The following ESR2 variants were observed in gnomAD, a reference collection of about 807,000 sequenced individuals.
ESR2 encodes estrogen receptor 2.
A neutral mutation model predicts 49.6 loss-of-function variants in ESR2; 36 were observed. The ratio of observed to expected loss-of-function variants is 0.73; its 90% CI spans 0.56 to 0.96. The LOEUF (loss-of-function observed/expected upper bound fraction) is 0.96, where lower values mean the gene tolerates loss of function less well. Among genes scored for constraint, ESR2 ranks in the 40% least tolerant of loss-of-function variants. The pLI is 0.00. For synonymous variants in ESR2, 320 were observed against 266.1 expected (o/e 1.20, Z -1.97); for missense variants, 714 against 693.0 (o/e 1.03, Z -0.34).
intron 6 of ESR2, among the ~76,000 whole-genome samples, chr14:64,253,133 G>C (rs1017444609): frequency 2.0e-5 from 3 of 152,098 alleles, no homozygotes; most frequent in African/African-American, 7.2e-5. Flanking sequence ...TGGGACTACA[G>C]GTGTGAGCAA....
intron 1 of ESR2, among the ~76,000 whole-genome samples, chr14:64,288,070 T>G (rs1405135524): frequency 3.9e-5 from 6 of 152,114 alleles, no homozygotes; most frequent in Non-Finnish European, 8.8e-5. Context: ...ATATCCTGGG[T>G]GGTGAACAGG....
intron 4 of ESR2, among the ~76,000 whole-genome samples, chr14:64,261,752 T>G (rs752271082): frequency 6.6e-6 from 1 of 152,168 alleles, no homozygotes. Context: ...GTATCTACAC[T>G]ATTTTAATTG....
intron 3 of ESR2, among the ~76,000 whole-genome samples, chr14:64,273,940 C>CT (rs58123995): frequency 0.19 from 25,071 of 134,498 alleles, 2,947 homozygotes; most frequent in East Asian, 0.37. Context: ...TGCTGAGAGA[C>CT]TTTTTTTTTT....
chr14:64,233,187 C>A lies in ESR2; in HGVS notation c.1543G>T (p.Ala515Ser). The change falls in exon 9 of 9, where the codon GCA (alanine) becomes TCA (serine). Residue 515 changes from alanine (A) to serine (S), a missense_variant. Physicochemically the swap from Ala to Ser is moderately conservative, Grantham distance 99. Transcript: ENST00000341099. Reference sequence around the variant, plus strand: ...CCCTCTTTGCTTTTACTGTCCTCTGCCGGGCTGCACTCGGACCCCGTGATG... The same window carrying A: ...CCCTCTTTGCTTTTACTGTCCTCTGACGGGCTGCACTCGGACCCCGTGATG... ...SSITGSECSP[A>S]EDSKSKEGSQ... 3.7e-6 allele frequency: 6 copies of A among 1,614,134 alleles called. No individual in the cohort carries two copies. The highest frequency in any genetic ancestry group is 5.1e-6 in the Non-Finnish European group (6 of 1,180,016).
intron 3 of ESR2, among the ~76,000 whole-genome samples, chr14:64,271,525 C>A (rs375671657): frequency 3.3e-5 from 5 of 152,178 alleles, no homozygotes; most frequent in Non-Finnish European, 5.9e-5. Flanking sequence ...AGGGTTTCAC[C>A]GTGTTGCCCA....
intron 1 of ESR2, among the ~76,000 whole-genome samples, chr14:64,293,268 A>G (rs979601312): frequency 6.6e-6 from 1 of 152,232 alleles, no homozygotes; most frequent in Non-Finnish European, 1.5e-5. Context: ...CCGAGTTACG[A>G]AACTTAGAGC....
intron 3 of ESR2, among the ~76,000 whole-genome samples, chr14:64,275,100 C>G (rs960562563): frequency 1.3e-5 from 2 of 152,140 alleles, no homozygotes; most frequent in African/African-American, 4.8e-5. Context: ...CTGTAAATAT[C>G]TATTAGGTCC....
At chr14:64,322,518 GAAAAA>G (rs35866794) in intron 1 of ESR2, among the ~76,000 whole-genome samples, 2,335 of 86,482 alleles carry the variant, frequency 0.027, 65 homozygotes, top group East Asian at 0.18. Flanking sequence ...CCACAGAAAG[GAAAAA>G]AAAAAAAAAA....
intron 7 of ESR2, among the ~76,000 whole-genome samples, chr14:64,243,170 G>A (rs1294468231): frequency 2.0e-5 from 3 of 152,136 alleles, no homozygotes; most frequent in Non-Finnish European, 4.4e-5. Context: ...TCAAATGCAT[G>A]GTAGAATTCT....
At position 64,283,588 on chromosome 14, in the gene ESR2, G is replaced by A. The variant is rs373690759; in HGVS notation, c.-90-513C>T. 2.6e-5 allele frequency among the ~76,000 whole-genome samples: 4 copies of A among 151,552 alleles called. No individual in the cohort carries two copies. The East Asian group carries it at 7.8e-4, about 30-fold the overall frequency. On this transcript the variant is annotated intron_variant, in intron 1 of 8. Coordinates refer to ENST00000341099, the MANE Select transcript of ESR2 (RefSeq NM_001437.3). Reference sequence around the variant, plus strand: ...AGCCTGGGCAACATGGTGAAACCCCGTCTCTACTAAAAATTAGCCAGGAAT... The same window carrying A: ...AGCCTGGGCAACATGGTGAAACCCCATCTCTACTAAAAATTAGCCAGGAAT...
At chr14:64,299,745 T>G (rs1297893189) in intron 1 of ESR2, among the ~76,000 whole-genome samples, 1 of 152,192 alleles carries the variant, frequency 6.6e-6, no homozygotes, top group Non-Finnish European at 1.5e-5. Context: ...TTTGATCTGA[T>G]GAACCTAACC....
chr14:64,297,348 T>C (rs2076970109), upstream of ESR2, among the ~76,000 whole-genome samples: 1 of 152,146 alleles, frequency 6.6e-6, no homozygotes, highest in Non-Finnish European at 1.5e-5. Flanking sequence ...GTAGTACAGG[T>C]ATGGTTTGCT....
At chr14:64,239,733 C>T (rs2075680629) in intron 7 of ESR2, among the ~76,000 whole-genome samples, 1 of 152,168 alleles carries the variant, frequency 6.6e-6, no homozygotes, top group Non-Finnish European at 1.5e-5. Context: ...CAACATTTTT[C>T]TGTTGTCTCT....
intron 6 of ESR2, among the ~76,000 whole-genome samples, chr14:64,256,826 A>G (rs1188114386): frequency 6.6e-6 from 1 of 152,210 alleles, no homozygotes; most frequent in African/African-American, 2.4e-5. Flanking sequence ...TAAGAATTTT[A>G]TCACCTGTCC....
At chr14:64,268,007 A>T (rs1208571765) in intron 4 of ESR2, among the ~76,000 whole-genome samples, 2 of 152,230 alleles carry the variant, frequency 1.3e-5, no homozygotes, top group Non-Finnish European at 2.9e-5. Flanking sequence ...CAGAAGAATA[A>T]GTGCAGGCAG....
chr14:64,255,121 T>C (rs2076072796), intron 6 of ESR2, among the ~76,000 whole-genome samples: 1 of 151,974 alleles, frequency 6.6e-6, no homozygotes, highest in African/African-American at 2.4e-5. Flanking sequence ...GGAGAGTTAA[T>C]TGTACTAAAA....
chr14:64,248,660 A>G (rs2075919984), intron 7 of ESR2, among the ~76,000 whole-genome samples: 2 of 152,150 alleles, frequency 1.3e-5, no homozygotes, highest in Admixed American at 6.5e-5. Context: ...AGATATTTAT[A>G]TAAGATAAAA....
chr14:64,241,953 G>A (rs2075737074), intron 7 of ESR2, among the ~76,000 whole-genome samples: 1 of 152,208 alleles, frequency 6.6e-6, no homozygotes, highest in Admixed American at 6.5e-5. Flanking sequence ...AAGGACAGTG[G>A]ACATACTTGC....
chr14:64,260,804 A>G, intron 4 of ESR2, 56 bp from the exon 5 acceptor site: 1 of 1,394,848 alleles, frequency 7.2e-7, no homozygotes, highest in East Asian at 2.7e-5. Context: ...AGTCAAGCAA[A>G]AGCAGCTTGA....
Sources: gnomAD v4.1 joint callset for allele counts (sites outside exome capture counted in the v4.1 genomes callset) on GRCh38, gnomAD v4.1.1 for gene constraint, MANE v1.5 for transcripts, NCBI Gene and HGNC (gene_info 2026-07-23, HGNC 2026-07-21) for gene names.